Variants in TAFA2 observed in about 807,000 individuals in gnomAD.
The protein encoded by TAFA2 is chemokine-like protein TAFA-2.
A neutral mutation model predicts 18.8 loss-of-function variants in TAFA2; 7 were observed. That is an observed-to-expected ratio of 0.37 (90% CI 0.21 to 0.70). The LOEUF is 0.70. Ranked by LOEUF, TAFA2 falls within the 30% of genes least tolerant of loss-of-function variation. TAFA2 has a pLI of 0.53. For synonymous variants in TAFA2, 60 were observed against 54.2 expected (o/e 1.11, Z -0.47); for missense variants, 122 against 158.1 (o/e 0.77, Z 1.23).
chr12:61,867,077 G>A (rs994512782), intron 2 of TAFA2, among the ~76,000 whole-genome samples: 3 of 151,912 alleles, frequency 2.0e-5, no homozygotes, highest in Non-Finnish European at 4.4e-5. Flanking sequence ...TGAAGGAAAG[G>A]TAGAGTTCTA....
chr12:62,133,966 G>A (rs548218002), intron 1 of TAFA2, among the ~76,000 whole-genome samples: 32 of 152,058 alleles, frequency 2.1e-4, no homozygotes, highest in Admixed American at 1.4e-3. Context: ...TTCATCTCAC[G>A]ATACTCTACT....
intron 2 of TAFA2, among the ~76,000 whole-genome samples, chr12:61,768,791 G>T (rs773599262): frequency 5.4e-4 from 82 of 152,114 alleles, no homozygotes; most frequent in Admixed American, 8.5e-4. Flanking sequence ...GCTGAATTTT[G>T]TAACAATTTT....
intron 1 of TAFA2, among the ~76,000 whole-genome samples, chr12:62,226,238 G>T (rs1405537489): frequency 6.7e-6 from 1 of 149,930 alleles, no homozygotes. Flanking sequence ...CTGCCGCCCA[G>T]GCTGGAGTGC....
chr12:62,134,861 G>T (rs1028284823), intron 1 of TAFA2, among the ~76,000 whole-genome samples: 1 of 151,646 alleles, frequency 6.6e-6, no homozygotes, highest in African/African-American at 2.4e-5. Context: ...AGCTGCTATT[G>T]CACATTCCAT....
intron 1 of TAFA2, among the ~76,000 whole-genome samples, chr12:61,891,389 G>T (rs1378138958): frequency 6.6e-6 from 1 of 152,194 alleles, no homozygotes; most frequent in Admixed American, 6.5e-5. Context: ...GCTCATGCCT[G>T]TAATCCCAAC....
At chr12:61,998,280 A>G (rs917016963) in intron 1 of TAFA2, among the ~76,000 whole-genome samples, 1 of 152,226 alleles carries the variant, frequency 6.6e-6, no homozygotes, top group African/African-American at 2.4e-5. Flanking sequence ...GATTTCTTAA[A>G]TAAGTGCAAT....
At chr12:61,806,603 G>T (rs1036629185) in intron 2 of TAFA2, among the ~76,000 whole-genome samples, 1 of 152,210 alleles carries the variant, frequency 6.6e-6, no homozygotes, top group Admixed American at 6.5e-5. Flanking sequence ...ATTGTTTGGA[G>T]GGGTCAGAAG....
In TAFA2 at chr12:61,822,201, T is replaced by C. The variant is rs532187487; in HGVS notation, c.106+45119A>G. 1.5e-4 allele frequency among the ~76,000 whole-genome samples: 23 copies of C among 152,288 alleles called. No individual in the cohort carries two copies. The South Asian group carries it at 4.8e-3, about 32-fold the overall frequency. ...AGGTTAAAAAATACTCATTTTTCTC[T>C]TCACTGAAGATGAAAGAACATGAAT... is the stretch of plus-strand genomic sequence containing the variant. On this transcript the variant is annotated intron_variant, in intron 2 of 4. Transcript: ENST00000416284.
At chr12:61,784,119 G>A (rs186416726) in intron 2 of TAFA2, among the ~76,000 whole-genome samples, 1 of 151,350 alleles carries the variant, frequency 6.6e-6, no homozygotes, top group Non-Finnish European at 1.5e-5. Context: ...GAAAAGGGAG[G>A]GGAAATACTG....
chr12:62,148,281 C>T (rs967808216), intron 1 of TAFA2, among the ~76,000 whole-genome samples: 1 of 152,140 alleles, frequency 6.6e-6, no homozygotes, highest in Non-Finnish European at 1.5e-5. Flanking sequence ...ATGGCAAAGA[C>T]ATAGAATTAA....
chr12:62,136,903 T>A (rs1870917733), intron 1 of TAFA2, among the ~76,000 whole-genome samples: 1 of 152,096 alleles, frequency 6.6e-6, no homozygotes, highest in Admixed American at 6.6e-5. Context: ...CCAGAAAATA[T>A]ATGCATATGC....
chr12:61,808,574 A>C (rs1337571105), intron 2 of TAFA2, among the ~76,000 whole-genome samples: 1 of 151,432 alleles, frequency 6.6e-6, no homozygotes, highest in Non-Finnish European at 1.5e-5. Flanking sequence ...GGTGTGAGGA[A>C]AATGGAGGTA....
At chr12:61,721,728 G>A (rs1416795022) in intron 4 of TAFA2, among the ~76,000 whole-genome samples, 1 of 152,194 alleles carries the variant, frequency 6.6e-6, no homozygotes, top group African/African-American at 2.4e-5. Flanking sequence ...GGCCAACGCG[G>A]GTGGATCACC....
chr12:62,035,088 G>A (rs753340959), intron 1 of TAFA2, among the ~76,000 whole-genome samples: 59 of 152,106 alleles, frequency 3.9e-4, no homozygotes, highest in Non-Finnish European at 7.2e-4. Flanking sequence ...ACAAATAAAT[G>A]CCTTATCAAT....
intron 4 of TAFA2, among the ~76,000 whole-genome samples, chr12:61,744,600 G>A (rs1286856067): frequency 1.3e-5 from 2 of 152,018 alleles, no homozygotes; most frequent in Non-Finnish European, 2.9e-5. Flanking sequence ...TGTTGTCTAG[G>A]CTAGAGTTCA....
rs145107369 is a variant in TAFA2 at position 61,920,402 on chromosome 12, C to G, written c.-1-52976G>C. Reference sequence around the variant, plus strand: ...TCCTCTCCCAGGGAAGTTTTAAGGCCATGAAAAAGATGGAAAGTTGGCACC... The same window carrying G: ...TCCTCTCCCAGGGAAGTTTTAAGGCGATGAAAAAGATGGAAAGTTGGCACC... On this transcript the variant is annotated intron_variant, in intron 1 of 4. Coordinates refer to ENST00000416284, the MANE Select transcript of TAFA2 (RefSeq NM_178539.5). Among the ~76,000 whole-genome samples, 425 of 152,226 alleles carry G rather than the reference C, an allele frequency of 2.8e-3. 2 individuals are homozygous for G. Among genetic ancestry groups the G allele is most frequent in the African/African-American group, 9.7e-3 (403 of 41,538 alleles).
At position 61,953,109 on chromosome 12, in the gene TAFA2, C is replaced by T. The variant is rs113434219; in HGVS notation, c.-1-85683G>A. 7.3e-3 allele frequency among the ~76,000 whole-genome samples: 1,111 copies of T among 152,114 alleles called. 15 individuals are homozygous for T. Among genetic ancestry groups the T allele is most frequent in the African/African-American group, 0.025 (1,054 of 41,506 alleles). On this transcript the variant is annotated intron_variant, in intron 1 of 4. Transcript: ENST00000416284. The stretch of plus-strand genomic sequence containing the variant: ...TTATCGTTTCCTCCATGAATCAATA[C>T]GTTCTTCTTGAGGTGAAGAGAAGCA...
At chr12:62,147,322 GTATGTATATATA>G (rs1226935862) in intron 1 of TAFA2, among the ~76,000 whole-genome samples, 723 of 49,334 alleles carry the variant, frequency 0.015, 13 homozygotes, top group African/African-American at 0.015. Context: ...GTGTGTGTAT[GTATGTATATATA>G]TATATATATA....
At chr12:62,129,558 A>T (rs536456351) in intron 1 of TAFA2, among the ~76,000 whole-genome samples, 1 of 152,166 alleles carries the variant, frequency 6.6e-6, no homozygotes, top group Admixed American at 6.6e-5. Context: ...GCACTGTAAG[A>T]TGCTAAATTG....
Sources: allele counts gnomAD v4.1 joint callset (sites outside exome capture counted in the v4.1 genomes callset), GRCh38; gene constraint gnomAD v4.1.1; transcripts MANE v1.5; gene names NCBI Gene and HGNC (gene_info 2026-07-23, HGNC 2026-07-21).